The following SLC24A2 variants were observed in gnomAD, a reference collection of about 807,000 sequenced individuals.
SLC24A2 encodes sodium/potassium/calcium exchanger 2.
SLC24A2 carries 36 observed loss-of-function variants against 62.0 expected under a neutral mutation model. That is an observed-to-expected ratio of 0.58 (90% CI 0.44 to 0.77). The LOEUF is 0.77. Ranked by LOEUF, SLC24A2 falls within the 30% of genes least tolerant of loss-of-function variation. The pLI is 0.00. For missense variants in SLC24A2, 846 were observed against 817.9 expected (o/e 1.03, Z -0.42); for synonymous variants, 358 against 294.0 (o/e 1.22, Z -2.23).
chr9:19,985,284 T>C, the SLC24A2 span, among the ~76,000 whole-genome samples: 16 of 152,290 alleles, frequency 1.1e-4, no homozygotes, highest in African/African-American at 3.8e-4. Flanking sequence ...AAAAGGCCTA[T>C]TATGAAATGT....
At chr9:19,563,111 A>AAAT (rs1280012708) in intron 7 of SLC24A2, among the ~76,000 whole-genome samples, 1 of 152,108 alleles carries the variant, frequency 6.6e-6, no homozygotes, top group Non-Finnish European at 1.5e-5. Flanking sequence ...AACTCTAAAA[A>AAAT]AATAAAAATA....
chr9:19,625,041 GTGT>G (rs1817999631), intron 2 of SLC24A2, among the ~76,000 whole-genome samples: 1 of 152,182 alleles, frequency 6.6e-6, no homozygotes, highest in Admixed American at 6.5e-5. Context: ...GGTTGGCCTA[GTGT>G]TGTGAATTTA....
chr9:19,881,552 G>C, the SLC24A2 span, among the ~76,000 whole-genome samples: 1 of 152,108 alleles, frequency 6.6e-6, no homozygotes, highest in Non-Finnish European at 1.5e-5. Flanking sequence ...TTTTGGTAAG[G>C]AACCCCCACT....
chr9:19,544,361 T>G (rs7866439), intron 8 of SLC24A2, among the ~76,000 whole-genome samples: 11,385 of 151,530 alleles, frequency 0.075, 1,434 homozygotes, highest in African/African-American at 0.26. Flanking sequence ...ATACAGCCAC[T>G]GATGGGTCTT....
At chr9:19,951,837 T>G in the SLC24A2 span, among the ~76,000 whole-genome samples, 2 of 152,138 alleles carry the variant, frequency 1.3e-5, no homozygotes, top group African/African-American at 2.4e-5. Flanking sequence ...TTGATATAAA[T>G]TTTAGAATTT....
chr9:19,955,375 A>AG, the SLC24A2 span, among the ~76,000 whole-genome samples: 1 of 110,742 alleles, frequency 9.0e-6, no homozygotes. Flanking sequence ...AGAAATTCTC[A>AG]GGTTTTTTTT....
chr9:19,634,278 CCT>C (rs1196799695), intron 2 of SLC24A2, among the ~76,000 whole-genome samples: 1 of 132,552 alleles, frequency 7.5e-6, no homozygotes, highest in Non-Finnish European at 1.6e-5. Context: ...GAAACTGCAG[CCT>C]CTTTTTTTTT....
At chr9:19,988,111 T>G in the SLC24A2 span, among the ~76,000 whole-genome samples, 2 of 152,134 alleles carry the variant, frequency 1.3e-5, no homozygotes, top group Non-Finnish European at 2.9e-5. Context: ...GAACTGCAGG[T>G]ATGCATAGGA....
chr9:19,684,600 T>A, intron 2 of SLC24A2, among the ~76,000 whole-genome samples: 1 of 152,050 alleles, frequency 6.6e-6, no homozygotes, highest in East Asian at 1.9e-4. Flanking sequence ...TTTTAAGGGT[T>A]TCAGGGTAGT....
chr9:19,531,615 C>G (rs1445911360), intron 8 of SLC24A2, among the ~76,000 whole-genome samples: 1 of 152,050 alleles, frequency 6.6e-6, no homozygotes, highest in African/African-American at 2.4e-5. Context: ...TTAGCTATAT[C>G]CTTACTGATT....
At chr9:20,272,152 G>A in the SLC24A2 span, among the ~76,000 whole-genome samples, 1 of 152,158 alleles carries the variant, frequency 6.6e-6, no homozygotes, top group African/African-American at 2.4e-5. Flanking sequence ...ATAATTCGTA[G>A]AGCCTAAAAG....
In SLC24A2 at chr9:19,751,046, T is replaced by G. The variant is rs562391507; in HGVS notation, c.930+34891A>C. 2.0e-5 allele frequency among the ~76,000 whole-genome samples: 3 copies of G among 152,344 alleles called. No homozygotes were observed. The East Asian group carries it at 5.8e-4, about 29-fold the overall frequency. On this transcript the variant is annotated intron_variant, in intron 2 of 10. Transcript: ENST00000341998. ...TGCCTGCCTTCACTATGGGGCTTAC[T>G]GTTTTATGCTGACTGTGTTCGGTAA...
At chr9:20,087,163 A>G in the SLC24A2 span, among the ~76,000 whole-genome samples, 1 of 152,214 alleles carries the variant, frequency 6.6e-6, no homozygotes, top group African/African-American at 2.4e-5. Flanking sequence ...TTAGAGACAG[A>G]CATTAGTTCA....
chr9:19,711,455 A>C (rs1448261963), intron 2 of SLC24A2, among the ~76,000 whole-genome samples: 1 of 152,242 alleles, frequency 6.6e-6, no homozygotes, highest in Non-Finnish European at 1.5e-5. Context: ...ATAAACATTT[A>C]AAGAACATTT....
chr9:20,098,556 T>C, the SLC24A2 span, among the ~76,000 whole-genome samples: 1 of 152,170 alleles, frequency 6.6e-6, no homozygotes, highest in Admixed American at 6.5e-5. Flanking sequence ...GCTCCAAACA[T>C]AAGAAACTCA....
At chr9:20,161,496 G>C in the SLC24A2 span, among the ~76,000 whole-genome samples, 25,404 of 151,268 alleles carry the variant, frequency 0.17, 2,370 homozygotes, top group Middle Eastern at 0.35. Flanking sequence ...TCAGCCAACA[G>C]ATTTTAATAC....
At chr9:20,120,823 G>A in the SLC24A2 span, among the ~76,000 whole-genome samples, 1 of 151,854 alleles carries the variant, frequency 6.6e-6, no homozygotes, top group African/African-American at 2.4e-5. Flanking sequence ...TGTTTTGTAT[G>A]GTGACAGGGA....
chr9:20,127,859 G>A, the SLC24A2 span, among the ~76,000 whole-genome samples: 5 of 152,054 alleles, frequency 3.3e-5, no homozygotes, highest in African/African-American at 1.2e-4. Flanking sequence ...CTTAACTAGA[G>A]GAGAGACGGT....
the SLC24A2 span, among the ~76,000 whole-genome samples, chr9:20,076,201 A>G: frequency 1.7e-4 from 26 of 152,200 alleles, no homozygotes; most frequent in African/African-American, 5.8e-4. Flanking sequence ...AGACTGAGCA[A>G]AAGAGTCAAA....
Sources: allele counts gnomAD v4.1 joint callset (sites outside exome capture counted in the v4.1 genomes callset), GRCh38; gene constraint gnomAD v4.1.1; transcripts MANE v1.5; gene names NCBI Gene and HGNC (gene_info 2026-07-23, HGNC 2026-07-21).